RBPJ: variants seen among roughly 807,000 people sequenced by gnomAD.
The protein encoded by RBPJ is recombining binding protein suppressor of hairless.
In RBPJ, 9 loss-of-function variants were observed where a neutral mutation model predicts 67.8. The observed-to-expected ratio is 0.13, with a 90% confidence interval of 0.08 to 0.23. The LOEUF (loss-of-function observed/expected upper bound fraction) is 0.23. Among genes scored for constraint, RBPJ ranks in the 10% least tolerant of loss-of-function variants. The pLI, the probability that RBPJ is intolerant of heterozygous loss-of-function variation, is 1.00. For synonymous variants in RBPJ, 198 were observed against 203.3 expected (o/e 0.97, Z 0.22); for missense variants, 305 against 595.6 (o/e 0.51, Z 5.08).
At chr4:26,318,508 AG>A (rs1448949752), upstream of RBPJ, among the ~76,000 whole-genome samples, 3 of 152,258 alleles carry the variant, frequency 2.0e-5, no homozygotes, top group African/African-American at 7.2e-5. Flanking sequence ...TATTAGTGGG[AG>A]GAAAAAACAG....
intron 1 of RBPJ, among the ~76,000 whole-genome samples, chr4:26,276,120 C>T (rs1440936149): frequency 2.0e-5 from 3 of 150,448 alleles, no homozygotes; most frequent in African/African-American, 7.3e-5. Context: ...ACTAAAAATA[C>T]AAAAATTAGC....
At chr4:26,270,389 G>GAAAGAAAGAAAGAA (rs1720853395) in intron 1 of RBPJ, among the ~76,000 whole-genome samples, 2 of 57,754 alleles carry the variant, frequency 3.5e-5, no homozygotes, top group Non-Finnish European at 7.9e-5. Context: ...AAGAAAGAAA[G>GAAAGAAAGAAAGAA]AAAGAAAGAA....
At chr4:26,281,039 AT>A (rs1340771308) in intron 1 of RBPJ, among the ~76,000 whole-genome samples, 1 of 152,196 alleles carries the variant, frequency 6.6e-6, no homozygotes, top group Admixed American at 6.5e-5. Context: ...ATTTGTAAAC[AT>A]TTGTGTTAAA....
At chr4:26,406,102 A>G in intron 2 of RBPJ, 73 bp from the exon 3 acceptor site, 1 of 927,744 alleles carries the variant, frequency 1.1e-6, no homozygotes, top group South Asian at 1.4e-5. Context: ...CTCTCATTAC[A>G]GAGCGTAGTA....
At chr4:26,126,489 T>G in the RBPJ span, among the ~76,000 whole-genome samples, 2 of 152,254 alleles carry the variant, frequency 1.3e-5, no homozygotes, top group Admixed American at 1.3e-4. Flanking sequence ...ATGACTAGGC[T>G]TAGCCAATCA....
chr4:26,338,814 C>T (rs1483203053), intron 1 of RBPJ, among the ~76,000 whole-genome samples: 1 of 151,556 alleles, frequency 6.6e-6, no homozygotes, highest in African/African-American at 2.4e-5. Context: ...ACCTCGTGAT[C>T]CACCTGCCTC....
chr4:26,186,879 C>T (rs1457832827), intron 1 of RBPJ, among the ~76,000 whole-genome samples: 1 of 151,978 alleles, frequency 6.6e-6, no homozygotes, highest in African/African-American at 2.4e-5. Flanking sequence ...CTTTATTATC[C>T]ACGGAATACC....
At chr4:26,345,848 G>A (rs1002972857) in intron 1 of RBPJ, among the ~76,000 whole-genome samples, 3 of 152,164 alleles carry the variant, frequency 2.0e-5, no homozygotes, top group African/African-American at 7.2e-5. Context: ...TTAAGGATAG[G>A]ATTCTATTAT....
chr4:26,242,177 G>A (rs543260983), intron 1 of RBPJ, among the ~76,000 whole-genome samples: 32 of 152,296 alleles, frequency 2.1e-4, no homozygotes, highest in African/African-American at 7.5e-4. Flanking sequence ...GCCGGGAGCG[G>A]TGGCTCACCC....
At chr4:26,160,153 C>T (rs533590535), upstream of RBPJ, among the ~76,000 whole-genome samples, 2 of 152,220 alleles carry the variant, frequency 1.3e-5, no homozygotes, top group South Asian at 2.1e-4. Flanking sequence ...CTCCTGATCT[C>T]GTGATCTGCC....
At chr4:26,374,602 A>C (rs1017513212) in intron 1 of RBPJ, among the ~76,000 whole-genome samples, 22 of 151,684 alleles carry the variant, frequency 1.5e-4, no homozygotes, top group Non-Finnish European at 2.9e-4. Flanking sequence ...CAGCCTCCCG[A>C]GTAGCTGGGA....
intron 2 of RBPJ, among the ~76,000 whole-genome samples, chr4:26,397,722 C>G (rs1732285625): frequency 6.6e-6 from 1 of 152,162 alleles, no homozygotes; most frequent in Non-Finnish European, 1.5e-5. Flanking sequence ...CAACCTCCAC[C>G]TCCCAGGTTC....
chr4:26,150,498 C>T, the RBPJ span, among the ~76,000 whole-genome samples: 1 of 152,220 alleles, frequency 6.6e-6, no homozygotes, highest in Non-Finnish European at 1.5e-5. Context: ...TTGGGCGCTG[C>T]ATAAAGCACT....
intron 1 of RBPJ, among the ~76,000 whole-genome samples, chr4:26,289,043 T>C (rs1205431526): frequency 6.6e-6 from 1 of 150,956 alleles, no homozygotes; most frequent in Non-Finnish European, 1.5e-5. Context: ...TTTTTTTATG[T>C]TTAACTTACA....
chr4:26,244,160 T>C (rs1310421726), intron 1 of RBPJ, among the ~76,000 whole-genome samples: 6 of 139,704 alleles, frequency 4.3e-5, no homozygotes, highest in East Asian at 2.0e-4. Context: ...CATATATGTA[T>C]ATATATATGT....
chr4:26,241,836 A>T (rs538147072), intron 1 of RBPJ, among the ~76,000 whole-genome samples: 2 of 152,104 alleles, frequency 1.3e-5, no homozygotes, highest in Admixed American at 6.6e-5. Flanking sequence ...TAATAGTATG[A>T]TCATTAAACT....
At chr4:26,253,303 AT>A (rs1172735898) in intron 1 of RBPJ, among the ~76,000 whole-genome samples, 3 of 133,186 alleles carry the variant, frequency 2.3e-5, no homozygotes, top group African/African-American at 8.5e-5. Flanking sequence ...TTAATCTGCT[AT>A]TTCTTTTTTT....
chr4:26,254,494 C>T lies in RBPJ; in HGVS notation c.-167+90880C>T, dbSNP rs1463498617. On this transcript the variant is annotated intron_variant, in intron 1 of 4. Coordinates refer to the RBPJ transcript ENST00000512351. ...TTGCATGGTTGCTTCCTTTCATGGC[C>T]CTTGGCTAACTTCTCAGAGAAGCCT... 1.3e-5 allele frequency among the ~76,000 whole-genome samples: 2 copies of T among 148,574 alleles called. 1 individual carries two copies. The highest frequency in any genetic ancestry group is 5.3e-5 in the African/African-American group (2 of 38,092).
At chr4:26,406,428 A>G (rs1004510058) in intron 3 of RBPJ, among the ~76,000 whole-genome samples, 158 bp downstream of exon 3, 2 of 152,218 alleles carry the variant, frequency 1.3e-5, no homozygotes, top group Non-Finnish European at 2.9e-5. Context: ...GGAGAAACAA[A>G]GTGAATTGTG....
Sources: allele counts gnomAD v4.1 joint callset (sites outside exome capture counted in the v4.1 genomes callset), GRCh38; gene constraint gnomAD v4.1.1; transcripts MANE v1.5; gene names NCBI Gene and HGNC (gene_info 2026-07-23, HGNC 2026-07-21).